Variants in FHOD3 observed in about 807,000 individuals in gnomAD.
FHOD3 encodes the protein formin homology 2 domain containing 3.
In FHOD3, 90 loss-of-function variants were observed where a neutral mutation model predicts 173.0. That is an observed-to-expected ratio of 0.52 (90% CI 0.44 to 0.62). FHOD3 has a LOEUF of 0.62. Among genes scored for constraint, FHOD3 ranks in the 20% least tolerant of loss-of-function variants. The pLI is 0.00. For missense variants in FHOD3, 1,945 were observed against 2,034.7 expected, an observed-to-expected ratio of 0.96 and a Z score of 0.85; for synonymous variants, 828 against 823.0, an observed-to-expected ratio of 1.01 and a Z score of -0.10.
At chr18:36,476,483 A>G (rs1174334832) in intron 3 of FHOD3, among the ~76,000 whole-genome samples, 1 of 152,148 alleles carries the variant, frequency 6.6e-6, no homozygotes, top group East Asian at 1.9e-4. Context: ...GTGAGCTGGG[A>G]GGCGGGGAAG....
chr18:36,390,413 CTGTT>C (rs1443652586), intron 3 of FHOD3, among the ~76,000 whole-genome samples: 2 of 152,148 alleles, frequency 1.3e-5, no homozygotes, highest in African/African-American at 2.4e-5. Flanking sequence ...AAATGTGACT[CTGTT>C]TGGGGTGTGC....
At position 36,602,704 on chromosome 18, in the gene FHOD3, T is replaced by C; in HGVS notation, c.749T>C (p.Ile250Thr). The change falls in exon 8 of 29, where the codon ATC becomes ACC. Residue 250 changes from isoleucine (I) to threonine (T), a missense_variant. Transcript: ENST00000590592. ...GVKPWSNIME[I>T]LEEKDGVDTE... ...AAACCTTGGTCAAATATCATGGAAA[T>C]CCTGGAGGAAAAAGATGGAGTTGAT... 3 of 1,614,188 alleles carry C rather than the reference T, an allele frequency of 1.9e-6. No individual in the cohort carries two copies. Among genetic ancestry groups the C allele is most frequent in the Non-Finnish European group, 2.5e-6 (3 of 1,180,016 alleles).
intron 3 of FHOD3, among the ~76,000 whole-genome samples, chr18:36,432,326 G>T (rs2050592581): frequency 6.6e-6 from 1 of 152,112 alleles, no homozygotes; most frequent in South Asian, 2.1e-4. Flanking sequence ...ATTTAAATAG[G>T]ACTGTCAACT....
intron 5 of FHOD3, among the ~76,000 whole-genome samples, chr18:36,535,174 C>T (rs992560133): frequency 6.6e-6 from 1 of 152,180 alleles, no homozygotes; most frequent in East Asian, 1.9e-4. Context: ...ATGCAAGGCT[C>T]CATGGCTTGG....
chr18:36,738,871 CA>C (rs1005171605), intron 20 of FHOD3, among the ~76,000 whole-genome samples: 2 of 152,136 alleles, frequency 1.3e-5, no homozygotes, highest in Non-Finnish European at 2.9e-5. Context: ...ACGATTTCTC[CA>C]AGGTTACTCT....
At chr18:36,745,813 G>C (rs1323642730) in intron 23 of FHOD3, among the ~76,000 whole-genome samples, 2 of 133,744 alleles carry the variant, frequency 1.5e-5, no homozygotes, top group Non-Finnish European at 3.1e-5. Flanking sequence ...CTCACTTCCT[G>C]CTGACCCCCG....
intron 2 of FHOD3, among the ~76,000 whole-genome samples, chr18:36,361,659 C>T (rs1483363079): frequency 6.8e-6 from 1 of 148,030 alleles, no homozygotes; most frequent in African/African-American, 2.5e-5. Flanking sequence ...GTACTCCAGC[C>T]TGGCTGACAC....
rs2040593090 is a variant in FHOD3 at position 36,718,602 on chromosome 18, A to G, written c.3304A>G (p.Asn1102Asp). ...TCGGCCTTTTGACTGGCCATGTAAAAACAACCGACGCTGCAGAGAATTCCT... is the reference window on the plus strand; with the variant it reads ...TCGGCCTTTTGACTGGCCATGTAAAGACAACCGACGCTGCAGAGAATTCCT... ...EVRPFDWPCK[N>D]NRRCREFLWS... Residue 1102 changes from asparagine (N) to aspartate (D), a missense_variant, in exon 19 of 29, where the codon AAC (asparagine) becomes GAC (aspartate). Physicochemically the swap from Asn to Asp is conservative, Grantham distance 23. This residue lies in a region of FHOD3 where 231 missense variants were observed against 321.9 expected (regional missense o/e 0.72). Transcript: ENST00000590592. 1 of 1,614,054 alleles carries G rather than the reference A, an allele frequency of 6.2e-7. No homozygotes were observed.
intron 21 of FHOD3, among the ~76,000 whole-genome samples, chr18:36,742,399 T>C (rs557469600): frequency 3.9e-5 from 6 of 152,154 alleles, no homozygotes; most frequent in African/African-American, 1.4e-4. Context: ...AGAAGAAGAC[T>C]GTGGTCTAGA....
intron 5 of FHOD3, among the ~76,000 whole-genome samples, chr18:36,542,781 C>T (rs925969707): frequency 1.3e-5 from 2 of 152,036 alleles, no homozygotes; most frequent in Non-Finnish European, 2.9e-5. Context: ...TGCTGGGACA[C>T]CTGTATTTGC....
chr18:36,637,240 G>T (rs1333196090), intron 10 of FHOD3, among the ~76,000 whole-genome samples: 4 of 152,116 alleles, frequency 2.6e-5, no homozygotes, highest in Non-Finnish European at 4.4e-5. Context: ...ACTGTCTTCT[G>T]GGACTAAAGG....
chr18:36,606,473 T>G (rs1245598995), intron 8 of FHOD3, among the ~76,000 whole-genome samples: 1 of 152,162 alleles, frequency 6.6e-6, no homozygotes, highest in African/African-American at 2.4e-5. Context: ...TTTACCTCCT[T>G]TCAACACTGT....
At position 36,512,126 on chromosome 18, in the gene FHOD3, A is replaced by C. The variant is rs550127126; in HGVS notation, c.406-312A>C. 1.4e-4 allele frequency among the ~76,000 whole-genome samples: 22 copies of C among 152,330 alleles called. No homozygotes were observed. The East Asian group carries it at 4.2e-3, about 29-fold the overall frequency. ...GGCCAGTCCCTTGGGACCGTGGGGG[A>C]GTAGAGCCTGGTGTTTCTTGAAGAA... On this transcript the variant is annotated intron_variant, in intron 4 of 28. Coordinates refer to ENST00000590592, the MANE Select transcript of FHOD3 (RefSeq NM_001281740.3).
At chr18:36,718,769 G>A (rs7240383) in intron 19 of FHOD3, 54 bp downstream of exon 19, 1 of 1,559,392 alleles carries the variant, frequency 6.4e-7, no homozygotes, top group Non-Finnish European at 8.6e-7. Flanking sequence ...GGGCTGAAGA[G>A]ATTCGTTCTG....
chr18:36,512,413 G>A, intron 4 of FHOD3, 25 bp from the exon 5 acceptor site: 4 of 1,551,508 alleles, frequency 2.6e-6, no homozygotes, highest in African/African-American at 2.7e-5. Flanking sequence ...AGTATTTGAA[G>A]TATTTTTGTT....
chr18:36,322,915 G>A (rs1421218258), intron 1 of FHOD3, among the ~76,000 whole-genome samples: 1 of 152,178 alleles, frequency 6.6e-6, no homozygotes, highest in East Asian at 1.9e-4. Flanking sequence ...AGTGGCTGCT[G>A]GGCACTGCCA....
chr18:36,659,755 C>T (rs2036656912), intron 14 of FHOD3, among the ~76,000 whole-genome samples: 1 of 152,090 alleles, frequency 6.6e-6, no homozygotes, highest in Non-Finnish European at 1.5e-5. Context: ...TCCATGTGGC[C>T]CACAAGATTA....
At chr18:36,306,525 T>A (rs988821323) in intron 1 of FHOD3, among the ~76,000 whole-genome samples, 2 of 152,108 alleles carry the variant, frequency 1.3e-5, no homozygotes, top group Non-Finnish European at 2.9e-5. Context: ...GGCAACCAAC[T>A]TGTGTGACCA....
At chr18:36,642,071 C>T (rs758534672) in intron 10 of FHOD3, among the ~76,000 whole-genome samples, 7 of 151,808 alleles carry the variant, frequency 4.6e-5, no homozygotes, top group African/African-American at 9.7e-5. Flanking sequence ...CTCACTTATA[C>T]GTGGGAGCTA....
Sources: allele counts gnomAD v4.1 joint callset (sites outside exome capture counted in the v4.1 genomes callset), GRCh38; gene constraint gnomAD v4.1.1; regional missense constraint gnomAD v4.1.1; transcripts MANE v1.5; gene names NCBI Gene and HGNC (gene_info 2026-07-23, HGNC 2026-07-21).